Variants in ADARB2 observed in about 807,000 individuals in gnomAD.
ADARB2 encodes adenosine deaminase RNA specific B2 (inactive), also known as inactive double-stranded RNA-specific editase B2.
Under a neutral mutation model 62.2 loss-of-function variants are expected in ADARB2, and 25 were observed. That is an observed-to-expected ratio of 0.40 (90% CI 0.29 to 0.56). The LOEUF is 0.56. Among genes scored for constraint, ADARB2 ranks in the 20% least tolerant of loss-of-function variants. ADARB2 has a pLI of 0.43. For synonymous variants in ADARB2, 572 were observed against 500.8 expected (o/e 1.14, Z -1.90); for missense variants, 1,071 against 1,077.4 (o/e 0.99, Z 0.08).
chr10:1,568,367 G>A (rs1832885176), intron 1 of ADARB2, among the ~76,000 whole-genome samples: 1 of 152,192 alleles, frequency 6.6e-6, no homozygotes, highest in Non-Finnish European at 1.5e-5. Flanking sequence ...TCCAGCCGGA[G>A]GGGCCTCAGC....
intron 1 of ADARB2, among the ~76,000 whole-genome samples, chr10:1,417,804 G>A (rs1271344368): frequency 6.6e-6 from 1 of 152,258 alleles, no homozygotes; most frequent in Non-Finnish European, 1.5e-5. Context: ...TGCCCCTCCA[G>A]GGCTCACAGT....
chr10:1,267,451 G>A (rs542674264), intron 4 of ADARB2, among the ~76,000 whole-genome samples: 39 of 152,232 alleles, frequency 2.6e-4, no homozygotes, highest in Non-Finnish European at 5.1e-4. Context: ...CGGAGATGGT[G>A]TCCCACTGGA....
chr10:1,370,714 C>A (rs1163711045), intron 2 of ADARB2, among the ~76,000 whole-genome samples: 2 of 152,086 alleles, frequency 1.3e-5, no homozygotes, highest in East Asian at 3.8e-4. Flanking sequence ...TAGCCACACA[C>A]ACAAAATAAA....
chr10:1,678,513 C>T (rs1346218603), intron 1 of ADARB2, among the ~76,000 whole-genome samples: 1 of 152,032 alleles, frequency 6.6e-6, no homozygotes, highest in Admixed American at 6.5e-5. Context: ...GCTTGCATCT[C>T]CTTCTCACCT....
intron 1 of ADARB2, among the ~76,000 whole-genome samples, chr10:1,587,464 T>C (rs1418948085): frequency 1.3e-5 from 2 of 152,160 alleles, no homozygotes; most frequent in Admixed American, 6.5e-5. Flanking sequence ...TGTATGATCA[T>C]GGTGTAGGTT....
intron 1 of ADARB2, among the ~76,000 whole-genome samples, chr10:1,546,723 G>T (rs1329781064): frequency 6.6e-6 from 1 of 152,226 alleles, no homozygotes; most frequent in Non-Finnish European, 1.5e-5. Flanking sequence ...TCACAGCTGG[G>T]CAAAGGGTGA....
At chr10:1,576,911 G>T (rs1833028473) in intron 1 of ADARB2, among the ~76,000 whole-genome samples, 1 of 152,160 alleles carries the variant, frequency 6.6e-6, no homozygotes. Context: ...TCCCCTTCTG[G>T]TCTTGGAGGC....
At chr10:1,707,127 C>G (rs543212952) in intron 1 of ADARB2, among the ~76,000 whole-genome samples, 5 of 152,206 alleles carry the variant, frequency 3.3e-5, no homozygotes, top group Non-Finnish European at 7.3e-5. Context: ...GAAAATATGC[C>G]CTTTTCCCCT....
chr10:1,520,755 T>C (rs1832063526), intron 1 of ADARB2, among the ~76,000 whole-genome samples: 1 of 152,200 alleles, frequency 6.6e-6, no homozygotes, highest in African/African-American at 2.4e-5. Context: ...ATAAGAAAAT[T>C]ATGGAAAAAT....
chr10:1,352,061 T>A (rs1399010761), intron 3 of ADARB2, among the ~76,000 whole-genome samples: 2 of 151,870 alleles, frequency 1.3e-5, no homozygotes, highest in African/African-American at 2.4e-5. Flanking sequence ...CTGACACCCA[T>A]CAGGCTCAGC....
intron 4 of ADARB2, 139 bp downstream of exon 4, chr10:1,270,816 G>A (rs1831253868): frequency 4.1e-6 from 3 of 733,744 alleles, no homozygotes; most frequent in Non-Finnish European, 6.8e-6. Context: ...ACTGATCTCT[G>A]TATATGCTAT....
intron 1 of ADARB2, among the ~76,000 whole-genome samples, chr10:1,578,498 GCTGGTGCAAAGGCAGCCCCGC>G (rs541034387): frequency 6.6e-6 from 1 of 152,316 alleles, no homozygotes; most frequent in East Asian, 1.9e-4. Flanking sequence ...TGGGAGCTGT[GCTGGTGCAAAGGCAGCCCCGC>G]CTGTGAGTGC....
chr10:1,332,481 G>GTTTTT (rs57168465), intron 3 of ADARB2, among the ~76,000 whole-genome samples: 9 of 131,472 alleles, frequency 6.8e-5, no homozygotes, highest in African/African-American at 2.5e-4. Context: ...CATCAGTTTT[G>GTTTTT]TTTTTTTTTT....
chr10:1,708,079 C>T (rs1834911519), intron 1 of ADARB2, among the ~76,000 whole-genome samples: 1 of 152,220 alleles, frequency 6.6e-6, no homozygotes, highest in Non-Finnish European at 1.5e-5. Flanking sequence ...GTATGCAATG[C>T]TGGAAGGCAG....
intron 1 of ADARB2, among the ~76,000 whole-genome samples, chr10:1,568,612 G>A (rs74121067): frequency 1.1e-4 from 13 of 117,108 alleles, no homozygotes; most frequent in African/African-American, 1.7e-4. Context: ...GGGAGGGAGG[G>A]AGGAAGGAAG....
intron 1 of ADARB2, among the ~76,000 whole-genome samples, chr10:1,446,451 AT>A (rs1397433242): frequency 1.3e-5 from 2 of 152,184 alleles, no homozygotes; most frequent in Non-Finnish European, 2.9e-5. Context: ...AGTTGTTACT[AT>A]TTTTCCCACT....
At chr10:1,525,236 C>T (rs527996146) in intron 1 of ADARB2, among the ~76,000 whole-genome samples, 56 of 152,172 alleles carry the variant, frequency 3.7e-4, no homozygotes, top group African/African-American at 1.2e-3. Flanking sequence ...ACTTGTAACA[C>T]GTGCATATGA....
At chr10:1,240,461 C>T (rs922237839) in intron 5 of ADARB2, 1 of 152,446 alleles carries the variant, frequency 6.6e-6, no homozygotes, top group Non-Finnish European at 1.5e-5. Flanking sequence ...CCTGAGATCA[C>T]ACAGGCAACA....
intron 1 of ADARB2, among the ~76,000 whole-genome samples, chr10:1,624,278 G>A (rs891988722): frequency 8.6e-5 from 13 of 152,000 alleles, no homozygotes; most frequent in African/African-American, 3.1e-4. Flanking sequence ...AAAAACCAAA[G>A]AAAAAAAGAA....
Sources: gnomAD v4.1 joint callset for allele counts (sites outside exome capture counted in the v4.1 genomes callset) on GRCh38, gnomAD v4.1.1 for gene constraint, MANE v1.5 for transcripts, NCBI Gene and HGNC (gene_info 2026-07-23, HGNC 2026-07-21) for gene names.